KIF21A: variants seen among roughly 807,000 people sequenced by gnomAD.
The protein encoded by KIF21A is kinesin family member 21A, also known as kinesin-like protein KIF21A.
Under a neutral mutation model 202.9 loss-of-function variants are expected in KIF21A, and 114 were observed. The observed-to-expected ratio is 0.56, with a 90% confidence interval of 0.48 to 0.66. KIF21A has a LOEUF of 0.66. Ranked by LOEUF, KIF21A falls within the 30% of genes least tolerant of loss-of-function variation. The pLI, the probability that KIF21A is intolerant of heterozygous loss-of-function variation, is 0.00. For missense variants in KIF21A, 1,677 were observed against 1,994.9 expected (o/e 0.84, Z 3.04); for synonymous variants, 667 against 670.8 (o/e 0.99, Z 0.09).
At chr12:39,340,132 C>T (rs558393020) in intron 16 of KIF21A, 33 bp downstream of exon 16, 3 of 1,536,562 alleles carry the variant, frequency 2.0e-6, no homozygotes, top group African/African-American at 2.7e-5. Flanking sequence ...TCATACTGAA[C>T]ATCAAACGTT....
intron 26 of KIF21A, among the ~76,000 whole-genome samples, chr12:39,323,687 A>T (rs1490019933): frequency 2.6e-5 from 4 of 152,200 alleles, no homozygotes; most frequent in Admixed American, 2.6e-4. Flanking sequence ...GTTTTACCAG[A>T]TTATAAGCCT....
chr12:39,387,001 G>A (rs1290286458), intron 1 of KIF21A, among the ~76,000 whole-genome samples: 1 of 151,794 alleles, frequency 6.6e-6, no homozygotes, highest in East Asian at 1.9e-4. Context: ...CATTGATTAA[G>A]ACACTGGAGA....
intron 1 of KIF21A, among the ~76,000 whole-genome samples, chr12:39,400,034 A>G (rs1952047134): frequency 6.6e-6 from 1 of 152,204 alleles, no homozygotes. Context: ...ACATCGACAC[A>G]AAGCTCTTTG....
chr12:39,400,912 A>G (rs751844999), intron 1 of KIF21A, among the ~76,000 whole-genome samples: 5 of 152,230 alleles, frequency 3.3e-5, no homozygotes, highest in Non-Finnish European at 7.3e-5. Context: ...GGAGAAAACC[A>G]TCTTCTGCTC....
chr12:39,335,267 C>A (rs1055044313), intron 17 of KIF21A, among the ~76,000 whole-genome samples: 1 of 151,926 alleles, frequency 6.6e-6, no homozygotes, highest in Non-Finnish European at 1.5e-5. Flanking sequence ...CAAAAATTAG[C>A]CAGGTGTGGT....
At chr12:39,388,803 A>G (rs1485406928) in intron 1 of KIF21A, among the ~76,000 whole-genome samples, 3 of 152,232 alleles carry the variant, frequency 2.0e-5, no homozygotes, top group African/African-American at 7.2e-5. Context: ...GATTCACTAC[A>G]CAAAAATCAG....
intron 37 of KIF21A, among the ~76,000 whole-genome samples, chr12:39,299,299 G>T (rs141936013): frequency 1.7e-3 from 266 of 152,136 alleles, no homozygotes; most frequent in African/African-American, 5.7e-3. Context: ...AGTAGAAAAA[G>T]GTCATGAACA....
intron 1 of KIF21A, among the ~76,000 whole-genome samples, chr12:39,429,688 G>C (rs1315876553): frequency 6.6e-6 from 1 of 152,070 alleles, no homozygotes; most frequent in East Asian, 1.9e-4. Flanking sequence ...AACCAACCAA[G>C]ATGAAAGTGT....
chr12:39,434,542 G>A (rs1024544656), intron 1 of KIF21A, among the ~76,000 whole-genome samples: 5 of 152,074 alleles, frequency 3.3e-5, no homozygotes, highest in African/African-American at 1.2e-4. Context: ...CAAATCCAGG[G>A]GAGAATTACT....
chr12:39,401,219 A>C (rs1487731437), intron 1 of KIF21A, among the ~76,000 whole-genome samples: 1 of 152,208 alleles, frequency 6.6e-6, no homozygotes, highest in African/African-American at 2.4e-5. Flanking sequence ...TAAAGGCCAG[A>C]CAGTATATAG....
intron 1 of KIF21A, among the ~76,000 whole-genome samples, chr12:39,413,058 T>C (rs1051305250): frequency 3.3e-5 from 5 of 152,244 alleles, no homozygotes; most frequent in African/African-American, 1.2e-4. Flanking sequence ...CCTGTTTTAG[T>C]GTATTTCTTT....
At chr12:39,305,050 T>C (rs1943318485) in intron 34 of KIF21A, 112 bp from the exon 35 acceptor site, 1 of 674,118 alleles carries the variant, frequency 1.5e-6, no homozygotes, top group East Asian at 2.9e-5. Flanking sequence ...CTAACTTTTT[T>C]TTTTCTTTGT....
chr12:39,320,932 C>CAAA (rs59613512), intron 27 of KIF21A, among the ~76,000 whole-genome samples: 1,028 of 16,144 alleles, frequency 0.064, 135 homozygotes, highest in South Asian at 0.14. Flanking sequence ...AAGACTCTGC[C>CAAA]AAAAAAAAAA....
At chr12:39,296,002 A>G (rs1207857517) in intron 37 of KIF21A, among the ~76,000 whole-genome samples, 4 of 112,100 alleles carry the variant, frequency 3.6e-5, no homozygotes, top group Non-Finnish European at 7.0e-5. Context: ...CCACCCTGGG[A>G]TATGGTTTTT....
chr12:39,426,594 C>T (rs531970910), intron 1 of KIF21A, among the ~76,000 whole-genome samples: 45 of 151,932 alleles, frequency 3.0e-4, no homozygotes, highest in Admixed American at 2.6e-3. Context: ...AAATTAAGGC[C>T]GGGCACGGTG....
intron 3 of KIF21A, among the ~76,000 whole-genome samples, chr12:39,369,274 C>A (rs955170494): frequency 6.6e-6 from 1 of 152,136 alleles, no homozygotes; most frequent in Admixed American, 6.5e-5. Flanking sequence ...GCCTAGGCAA[C>A]ATGGCGAAAC....
chr12:39,328,538 T>A (rs553136718), intron 24 of KIF21A, among the ~76,000 whole-genome samples: 1 of 152,196 alleles, frequency 6.6e-6, no homozygotes, highest in Admixed American at 6.5e-5. Flanking sequence ...TCTCTGATGA[T>A]AGTGGTGACC....
chr12:39,316,016 A>C, intron 29 of KIF21A, 46 bp from the exon 30 acceptor site: 2 of 1,324,254 alleles, frequency 1.5e-6, no homozygotes, highest in Non-Finnish European at 2.2e-6. Context: ...TACAGATGTC[A>C]ACAGGTAAGG....
chr12:39,434,330 C>G (rs1938380748), intron 1 of KIF21A, among the ~76,000 whole-genome samples: 1 of 152,176 alleles, frequency 6.6e-6, no homozygotes, highest in African/African-American at 2.4e-5. Context: ...GAGGGCAGAG[C>G]CCTCATGAAC....
Sources: gnomAD v4.1 joint callset for allele counts (sites outside exome capture counted in the v4.1 genomes callset) on GRCh38, gnomAD v4.1.1 for gene constraint, MANE v1.5 for transcripts, NCBI Gene and HGNC (gene_info 2026-07-23, HGNC 2026-07-21) for gene names.